CPOX: variants seen among roughly 807,000 people sequenced by gnomAD.
CPOX encodes oxygen-dependent coproporphyrinogen-III oxidase, mitochondrial.
Under a neutral mutation model 48.9 loss-of-function variants are expected in CPOX, and 24 were observed. That is an observed-to-expected ratio of 0.49 (90% CI 0.36 to 0.69). The LOEUF (loss-of-function observed/expected upper bound fraction) is 0.69. Ranked by LOEUF, CPOX falls within the 30% of genes least tolerant of loss-of-function variation. The pLI, the probability that CPOX is intolerant of heterozygous loss-of-function variation, is 0.00. For synonymous variants in CPOX, 249 were observed against 234.6 expected, an observed-to-expected ratio of 1.06 and a Z score of -0.56; for missense variants, 549 against 597.3, an observed-to-expected ratio of 0.92 and a Z score of 0.84.
Position 98,593,593 on chromosome 3 carries a change from G to A in CPOX, c.-89C>T. 3.7e-6 allele frequency: 5 copies of A among 1,342,568 alleles called. No homozygotes were observed. The highest frequency in any genetic ancestry group is 5.0e-6 in the Non-Finnish European group (5 of 1,001,044). The allele number at this position is 1,342,568 out of a possible 1,614,324, so 83.2% of individuals were successfully genotyped here. A position where few individuals can be genotyped will look rare whatever the true frequency, so the allele number is the denominator to read the frequency against. On this transcript the variant is annotated 5_prime_UTR_variant, in exon 1 of 7. Coordinates refer to ENST00000647941, the MANE Select transcript of CPOX (RefSeq NM_000097.7). Reference sequence around the variant, plus strand: ...CAGACCCCCGGAGTATTGAGCCGGCGAGCTGCACAGGCGGAAAGAACCTTT... The same window carrying A: ...CAGACCCCCGGAGTATTGAGCCGGCAAGCTGCACAGGCGGAAAGAACCTTT...
chr3:98,574,185 G>C, the CPOX span, among the ~76,000 whole-genome samples: 1 of 152,302 alleles, frequency 6.6e-6, no homozygotes, highest in South Asian at 2.1e-4. Flanking sequence ...TTTTGTTAAT[G>C]ACATTTAATC....
chr3:98,582,768 G>A (rs1246121784), intron 5 of CPOX, among the ~76,000 whole-genome samples: 1 of 152,144 alleles, frequency 6.6e-6, no homozygotes, highest in Admixed American at 6.5e-5. Context: ...TAGGATTACA[G>A]GCGTGAGCCA....
chr3:98,575,105 A>C (rs1707139909), downstream of CPOX, among the ~76,000 whole-genome samples: 1 of 152,214 alleles, frequency 6.6e-6, no homozygotes, highest in African/African-American at 2.4e-5. Flanking sequence ...AATTGCTATA[A>C]AGACTTTTAT....
chr3:98,589,349 CA>C (rs1233405327), intron 3 of CPOX, among the ~76,000 whole-genome samples: 1 of 151,422 alleles, frequency 6.6e-6, no homozygotes, highest in Admixed American at 6.6e-5. Context: ...AACAAAACAA[CA>C]AGAAAAAAGA....
At position 98,591,346 on chromosome 3, in the gene CPOX, A is replaced by G. The variant is rs1729978; in HGVS notation, c.557-191T>C. Among the ~76,000 whole-genome samples, 114,654 of 152,162 alleles carry G rather than the reference A, an allele frequency of 0.75. 43,966 individuals carry two copies. Among genetic ancestry groups the G allele is most frequent in the African/African-American group, 0.91 (37,782 of 41,542 alleles). ...ATGCTATTAATATTGGGCAAATACT[A>G]GACCTTCTCATATCACTAAACTGAA... On this transcript the variant is annotated intron_variant, in intron 1 of 6. Coordinates refer to ENST00000647941, the MANE Select transcript of CPOX (RefSeq NM_000097.7).
intron 4 of CPOX, 99 bp from the exon 5 acceptor site, chr3:98,585,758 TG>T: frequency 2.2e-6 from 2 of 917,524 alleles, no homozygotes; most frequent in East Asian, 2.5e-5. Context: ...CCTCAACTAA[TG>T]TCAGGATGGT....
At chr3:98,586,682 C>T (rs1017957585) in intron 4 of CPOX, among the ~76,000 whole-genome samples, 2 of 152,076 alleles carry the variant, frequency 1.3e-5, no homozygotes, top group African/African-American at 2.4e-5. Context: ...CGGTGGCTGA[C>T]GCCTGTAATC....
downstream of CPOX, among the ~76,000 whole-genome samples, chr3:98,577,590 A>C (rs1576295256): frequency 6.6e-6 from 1 of 152,274 alleles, no homozygotes; most frequent in East Asian, 1.9e-4. Context: ...GATGACTGGG[A>C]TCTAATTCCC....
chr3:98,579,985 T>C lies in CPOX; in HGVS notation c.*698A>G, dbSNP rs190687483. The C allele has an allele frequency of 1.1e-5, 11 of 985,492 alleles. No individual in the cohort carries two copies. The highest frequency in any genetic ancestry group is 1.2e-6 in the Non-Finnish European group (1 of 829,610). 61.0% of individuals were successfully genotyped at this position (985,492 alleles called of 1,614,324 possible). A position where few individuals can be genotyped will look rare whatever the true frequency, so the allele number is the denominator to read the frequency against. ...TTCAAAAGTGCAGAGAATCCCAACA[T>C]TAACAAACAATGGTTCCACAAAAAT... On this transcript the variant is annotated 3_prime_UTR_variant, in exon 7 of 7. Transcript: ENST00000647941.
chr3:98,591,332 A>G (rs1203345459), intron 1 of CPOX, among the ~76,000 whole-genome samples, 177 bp from the exon 2 acceptor site: 1 of 152,206 alleles, frequency 6.6e-6, no homozygotes, highest in Non-Finnish European at 1.5e-5. Flanking sequence ...TGCTATTAAT[A>G]TTGGGCAAAT....
downstream of CPOX, among the ~76,000 whole-genome samples, chr3:98,576,803 T>C (rs1707167496): frequency 6.6e-6 from 1 of 152,138 alleles, no homozygotes; most frequent in African/African-American, 2.4e-5. Context: ...AATAAGACAG[T>C]TATACAGACA....
intron 4 of CPOX, among the ~76,000 whole-genome samples, chr3:98,587,966 T>C (rs1340714252): frequency 6.6e-6 from 1 of 152,200 alleles, no homozygotes; most frequent in Non-Finnish European, 1.5e-5. Context: ...TAGTTTTCAG[T>C]AGTAATATTA....
At chr3:98,574,283 G>T in the CPOX span, among the ~76,000 whole-genome samples, 1 of 152,172 alleles carries the variant, frequency 6.6e-6, no homozygotes, top group Non-Finnish European at 1.5e-5. Flanking sequence ...CACAGATTCT[G>T]TGAGTCAGGG....
At chr3:98,575,834 G>A (rs1168945418), downstream of CPOX, among the ~76,000 whole-genome samples, 5 of 151,324 alleles carry the variant, frequency 3.3e-5, no homozygotes, top group Non-Finnish European at 4.4e-5. Flanking sequence ...TTGGGAGGCC[G>A]AGGCAGGTGG....
chr3:98,582,410 A>G (rs1559674400), intron 5 of CPOX, among the ~76,000 whole-genome samples: 1 of 152,044 alleles, frequency 6.6e-6, no homozygotes, highest in Non-Finnish European at 1.5e-5. Context: ...CTTCACTCAC[A>G]TATTCTTATT....
intron 5 of CPOX, among the ~76,000 whole-genome samples, chr3:98,584,159 C>T (rs1707313556): frequency 6.6e-6 from 1 of 152,196 alleles, no homozygotes; most frequent in Admixed American, 6.5e-5. Flanking sequence ...CCAAGTTTTG[C>T]CTTCGAAATC....
rs912963117 is a variant in CPOX at position 98,592,956 on chromosome 3, C to A, written c.549G>T (p.Arg183Ser). Residue 183 changes from arginine to serine, a missense_variant, in exon 1 of 7, where the codon AGG becomes AGT. Physicochemically the swap from Arg to Ser is moderately radical, Grantham distance 110. Coordinates refer to ENST00000647941, the MANE Select transcript of CPOX (RefSeq NM_000097.7). Reference protein sequence around the residue: ...GANFSVDRWERKEGGGGISCV... With the variant: ...GANFSVDRWESKEGGGGISCV... ...AGGGGCCGGCCTCCTTACCTTCCTTCCTCTCCCACCGGTCCACAGAAAAGT... is the reference window on the plus strand; with the variant it reads ...AGGGGCCGGCCTCCTTACCTTCCTTACTCTCCCACCGGTCCACAGAAAAGT... The A allele has an allele frequency of 6.2e-7, 1 of 1,612,638 alleles. No homozygotes were observed. Among genetic ancestry groups the A allele is most frequent in the African/African-American group, 1.3e-5 (1 of 74,788 alleles).
At chr3:98,579,222 A>G (rs185912104), downstream of CPOX, among the ~76,000 whole-genome samples, 7 of 152,338 alleles carry the variant, frequency 4.6e-5, no homozygotes, top group East Asian at 1.3e-3. Flanking sequence ...TACATATAAC[A>G]TAAAACATGT....
chr3:98,570,620 T>A, the CPOX span, among the ~76,000 whole-genome samples: 1 of 152,220 alleles, frequency 6.6e-6, no homozygotes, highest in African/African-American at 2.4e-5. Flanking sequence ...GAAGTGAATG[T>A]TAGTATCAGA....
Sources: allele counts gnomAD v4.1 joint callset (sites outside exome capture counted in the v4.1 genomes callset), GRCh38; gene constraint gnomAD v4.1.1; transcripts MANE v1.5; gene names NCBI Gene and HGNC (gene_info 2026-07-23, HGNC 2026-07-21).